The following PBX1 variants were observed in gnomAD, a reference collection of about 807,000 sequenced individuals.
PBX1 encodes pre-B-cell leukemia transcription factor 1.
PBX1 carries 6 observed loss-of-function variants against 53.4 expected under a neutral mutation model. The observed-to-expected ratio is 0.11, with a 90% CI of 0.06 to 0.22. The LOEUF is 0.22. PBX1 is among the 10% of genes least tolerant of loss of function. PBX1 has a pLI of 1.00. For missense variants in PBX1, 251 were observed against 551.4 expected (o/e 0.46, Z 5.46); for synonymous variants, 204 against 212.3 (o/e 0.96, Z 0.34).
intron 2 of PBX1, among the ~76,000 whole-genome samples, chr1:164,582,576 CCA>C (rs1009018559): frequency 3.9e-5 from 6 of 152,058 alleles, no homozygotes; most frequent in African/African-American, 1.2e-4. Flanking sequence ...GCACATGCCA[CCA>C]CACCCAGCTA....
intron 2 of PBX1, among the ~76,000 whole-genome samples, chr1:164,711,273 T>A (rs1663751333): frequency 6.6e-6 from 1 of 152,170 alleles, no homozygotes; most frequent in African/African-American, 2.4e-5. Flanking sequence ...TCTTCTCTTT[T>A]CTTTTTTTGA....
intron 2 of PBX1, among the ~76,000 whole-genome samples, chr1:164,776,533 T>C (rs149729886): frequency 1.5e-4 from 23 of 152,334 alleles, no homozygotes; most frequent in Non-Finnish European, 3.2e-4. Context: ...TGAGTCCTCT[T>C]TGTTTTTCAT....
intron 2 of PBX1, among the ~76,000 whole-genome samples, chr1:164,869,575 AT>A (rs1168643674): frequency 6.6e-6 from 1 of 152,208 alleles, no homozygotes; most frequent in Non-Finnish European, 1.5e-5. Flanking sequence ...GCCAGGCTCG[AT>A]TCTAAGTATC....
intron 2 of PBX1, among the ~76,000 whole-genome samples, chr1:164,656,527 A>G (rs1660177335): frequency 6.6e-6 from 1 of 152,204 alleles, no homozygotes; most frequent in African/African-American, 2.4e-5. Context: ...CTTCCCTGAA[A>G]CTAAACATAT....
At chr1:164,723,444 A>G (rs1209697414) in intron 2 of PBX1, among the ~76,000 whole-genome samples, 2 of 152,214 alleles carry the variant, frequency 1.3e-5, no homozygotes, top group Non-Finnish European at 2.9e-5. Context: ...ATTGGCAGTC[A>G]TCAAAGAATT....
At chr1:164,743,900 T>C (rs1665753786) in intron 2 of PBX1, among the ~76,000 whole-genome samples, 1 of 152,230 alleles carries the variant, frequency 6.6e-6, no homozygotes, top group Non-Finnish European at 1.5e-5. Context: ...CTATGGCTAC[T>C]CCTAGCTGCG....
intron 2 of PBX1, among the ~76,000 whole-genome samples, chr1:164,638,638 T>A (rs1292112221): frequency 6.6e-6 from 1 of 152,196 alleles, no homozygotes; most frequent in Non-Finnish European, 1.5e-5. Flanking sequence ...GCGTGACTAC[T>A]GATTGTTCTT....
At chr1:164,624,689 C>A (rs1408498217) in intron 2 of PBX1, among the ~76,000 whole-genome samples, 1 of 152,198 alleles carries the variant, frequency 6.6e-6, no homozygotes, top group Non-Finnish European at 1.5e-5. Flanking sequence ...ATGAAATGCA[C>A]ATTCACTTAA....
At chr1:164,669,375 C>T (rs1357964615) in intron 2 of PBX1, among the ~76,000 whole-genome samples, 1 of 152,150 alleles carries the variant, frequency 6.6e-6, no homozygotes, top group Admixed American at 6.5e-5. Flanking sequence ...AACCGCTGCA[C>T]TGGGAATTAA....
chr1:164,852,259 G>A (rs751956419), downstream of PBX1, among the ~76,000 whole-genome samples: 3 of 152,182 alleles, frequency 2.0e-5, no homozygotes, highest in Non-Finnish European at 2.9e-5. Context: ...TATTTCAGGG[G>A]AAGGAATCTA....
rs191325473 is a variant in PBX1, at chr1:164,665,113, A to G, written c.265+101802A>G. 3.4e-3 allele frequency among the ~76,000 whole-genome samples: 516 copies of G among 152,316 alleles called. 2 individuals carry two copies. The highest frequency in any genetic ancestry group is 0.01 in the Middle Eastern group (3 of 294). ...AGTTTAGCTACAATATTCCTGTCTA[A>G]ATGGGAAAGACTAGATGATCTCTTG... On this transcript the variant is annotated intron_variant, in intron 2 of 8. Transcript: ENST00000420696.
rs143132748 is a variant in PBX1, at chr1:164,792,732, C to T, written c.504C>T (p.Tyr168=). The T allele has an allele frequency of 6.2e-6, 10 of 1,601,880 alleles. No homozygotes were observed. Among genetic ancestry groups the T allele is most frequent in the South Asian group, 1.1e-5 (1 of 90,098 alleles). Residue 168 remains tyrosine (Y), a synonymous_variant, in exon 3 of 9, where the codon TAC becomes TAT. Coordinates refer to ENST00000420696, the MANE Select transcript of PBX1 (RefSeq NM_002585.4). ...TCTACCATACGGAGCTGGAGAAATA[C>T]GAGCAGGTAACCAGAACCACCTGGG... ...RQIYHTELEK[Y]EQACNEFTTH...
intron 2 of PBX1, among the ~76,000 whole-genome samples, chr1:164,666,057 A>G (rs1660786393): frequency 6.6e-6 from 1 of 152,186 alleles, no homozygotes; most frequent in Admixed American, 6.5e-5. Flanking sequence ...GGGCAACTCC[A>G]GGAGGGAATG....
Position 164,876,007 on chromosome 1 carries a change from C to CAT in PBX1, n.258-23180_258-23179insTA, listed in dbSNP as rs1318941950. ...GTATGTGTATATATATATATATATACACACATACACCAAATGGTTTTTTAT... is the reference window on the plus strand; with the variant it reads ...GTATGTGTATATATATATATATATACATACACATACACCAAATGGTTTTTTAT... On this transcript the variant is annotated intron_variant and non_coding_transcript_variant, in intron 2 of 2. Coordinates refer to the PBX1 transcript ENST00000558796. 2.5e-3 allele frequency among the ~76,000 whole-genome samples: 289 copies of CAT among 113,626 alleles called. 9 individuals are homozygous for CAT. The highest frequency in any genetic ancestry group is 7.4e-3 in the African/African-American group (209 of 28,408). 74.5% of individuals were successfully genotyped at this position (113,626 alleles called of 152,430 possible).
chr1:164,846,896 T>A lies in PBX1; in HGVS notation c.*220T>A. On this transcript the variant is annotated 3_prime_UTR_variant, in exon 9 of 9. Coordinates refer to ENST00000420696, the MANE Select transcript of PBX1 (RefSeq NM_002585.4). The stretch of plus-strand genomic sequence containing the variant: ...TTTTTTTTCTGGGTAGAAGCCACCC[T>A]TCCCTGCCTCCAGCTGTCAGCCTGG... 1 of 1,379,344 alleles carries A rather than the reference T, an allele frequency of 7.2e-7. No homozygotes were observed. The highest frequency in any genetic ancestry group is 9.4e-7 in the Non-Finnish European group (1 of 1,065,432). The allele number at this position is 1,379,344 out of a possible 1,614,324, so 85.4% of individuals were successfully genotyped here. A position where few individuals can be genotyped will look rare whatever the true frequency, so the allele number is the denominator to read the frequency against.
chr1:164,673,016 A>C (rs1393508318), intron 2 of PBX1, among the ~76,000 whole-genome samples: 1 of 152,154 alleles, frequency 6.6e-6, no homozygotes, highest in African/African-American at 2.4e-5. Context: ...GGCAACACCA[A>C]AGCATTGAGC....
intron 2 of PBX1, among the ~76,000 whole-genome samples, chr1:164,688,725 C>T (rs967600994): frequency 2.0e-5 from 3 of 152,170 alleles, no homozygotes; most frequent in Non-Finnish European, 4.4e-5. Flanking sequence ...CAATATCTCC[C>T]CTTCTAGGAG....
chr1:164,615,233 G>A (rs1221214639), intron 2 of PBX1, among the ~76,000 whole-genome samples: 1 of 152,098 alleles, frequency 6.6e-6, no homozygotes, highest in Non-Finnish European at 1.5e-5. Flanking sequence ...GAGTAAGTTG[G>A]ACCTCATTTC....
downstream of PBX1, among the ~76,000 whole-genome samples, chr1:164,856,817 A>C (rs1039624918): frequency 8.5e-5 from 13 of 152,136 alleles, no homozygotes; most frequent in Non-Finnish European, 1.8e-4. Context: ...CTTCTGAATC[A>C]CCAGTGAGAA....
Sources: allele counts gnomAD v4.1 joint callset (sites outside exome capture counted in the v4.1 genomes callset), GRCh38; gene constraint gnomAD v4.1.1; transcripts MANE v1.5; gene names NCBI Gene and HGNC (gene_info 2026-07-23, HGNC 2026-07-21).